TG: variants seen among roughly 807,000 people sequenced by gnomAD.
TG encodes the protein thyroglobulin, also known as thyroid hormones.
In TG, 270 loss-of-function variants were observed where a neutral mutation model predicts 324.7. That is an observed-to-expected ratio of 0.83 (90% CI 0.75 to 0.92). The LOEUF is 0.92. Ranked by LOEUF, TG falls within the 40% of genes least tolerant of loss-of-function variation. The probability of loss-of-function intolerance (pLI) is 0.00; values close to 1 mark genes in which losing one functional copy is unlikely to be tolerated. For missense variants in TG, 3,591 were observed against 3,456.4 expected, an observed-to-expected ratio of 1.04 and a Z score of -0.98; for synonymous variants, 1,401 against 1,327.0, an observed-to-expected ratio of 1.06 and a Z score of -1.21.
intron 20 of TG, among the ~76,000 whole-genome samples, chr8:132,916,348 G>C (rs1250212080): frequency 1.3e-5 from 2 of 152,212 alleles, no homozygotes; most frequent in Non-Finnish European, 2.9e-5. Context: ...ATCCAACTCT[G>C]TCTGCCTCCA....
At chr8:132,973,438 T>TAGGAGCTCAATTTGAAATTGATGA (rs146331042) in intron 34 of TG, among the ~76,000 whole-genome samples, 8,729 of 152,020 alleles carry the variant, frequency 0.057, 868 homozygotes, top group African/African-American at 0.2. Context: ...TGGCACGTTT[T>TAGGAGCTCAATTTGAAATTGATGA]AGGAGCTCAA....
At chr8:132,973,521 T>G (rs1829807139) in intron 34 of TG, among the ~76,000 whole-genome samples, 1 of 152,132 alleles carries the variant, frequency 6.6e-6, no homozygotes, top group Admixed American at 6.5e-5. Flanking sequence ...TAAGGAGACA[T>G]TAGGTTTGTT....
intron 24 of TG, among the ~76,000 whole-genome samples, chr8:132,935,533 C>T (rs930282242): frequency 6.6e-6 from 1 of 152,166 alleles, no homozygotes; most frequent in East Asian, 1.9e-4. Context: ...GAATCAATTG[C>T]TCCTTCCTCT....
chr8:132,906,652 C>A, intron 16 of TG, 36 bp from the exon 17 acceptor site: 1 of 1,611,212 alleles, frequency 6.2e-7, no homozygotes, highest in Non-Finnish European at 8.5e-7. Context: ...CGAGGCTGGG[C>A]AGGTGCCCAC....
At chr8:132,935,995 C>G in intron 25 of TG, 131 bp downstream of exon 25, 1 of 741,960 alleles carries the variant, frequency 1.3e-6, no homozygotes, top group Non-Finnish European at 2.4e-6. Flanking sequence ...CTCAGTCTGG[C>G]TTCTCTGAGC....
intron 43 of TG, among the ~76,000 whole-genome samples, chr8:133,112,173 C>T (rs62513971): frequency 6.6e-6 from 1 of 152,230 alleles, no homozygotes; most frequent in Non-Finnish European, 1.5e-5. Context: ...AGGGACTGTG[C>T]TTACCCAGGA....
intron 41 of TG, among the ~76,000 whole-genome samples, chr8:133,066,498 C>T (rs998664209): frequency 6.6e-6 from 1 of 152,158 alleles, no homozygotes; most frequent in Non-Finnish European, 1.5e-5. Flanking sequence ...CAAGGACTCT[C>T]TCTGGGTAGT....
intron 41 of TG, among the ~76,000 whole-genome samples, chr8:133,071,532 A>G (rs771584177): frequency 1.3e-5 from 2 of 152,068 alleles, no homozygotes; most frequent in Non-Finnish European, 1.5e-5. Flanking sequence ...TTGTGGATAG[A>G]GCGGTGCAAT....
At chr8:133,060,334 A>G (rs1275695097) in intron 41 of TG, 1 of 1,552,410 alleles carries the variant, frequency 6.4e-7, no homozygotes, top group African/African-American at 1.4e-5. Context: ...TTTATATGTG[A>G]AGATGAGATT....
chr8:132,968,599 C>A (rs1026643425), intron 31 of TG, among the ~76,000 whole-genome samples: 7 of 152,020 alleles, frequency 4.6e-5, no homozygotes, highest in African/African-American at 1.7e-4. Context: ...TGTCCAGTGA[C>A]CCTTATTTTT....
chr8:132,888,630 T>TG, intron 10 of TG, 62 bp downstream of exon 10: 1 of 1,446,420 alleles, frequency 6.9e-7, no homozygotes, highest in South Asian at 1.4e-5. Context: ...TGTATGTGTG[T>TG]TTAACATATA....
At chr8:132,870,090 A>G (rs548478311) in intron 3 of TG, among the ~76,000 whole-genome samples, 39 of 152,280 alleles carry the variant, frequency 2.6e-4, no homozygotes, top group African/African-American at 7.2e-4. Flanking sequence ...GTGAACAGAC[A>G]TCAACATCTC....
chr8:132,906,698 TC>T lies in TG; in HGVS notation c.3647del (p.Pro1216ArgfsTer47), dbSNP rs1563937557. 1 of 1,614,078 alleles carries T rather than the reference TC, an allele frequency of 6.2e-7. No homozygotes were observed. The highest frequency in any genetic ancestry group is 8.5e-7 in the Non-Finnish European group (1 of 1,180,022). On this transcript the variant is annotated frameshift_variant, in exon 17 of 48. Transcript: ENST00000220616. LOFTEE classifies it high-confidence loss of function. ...CTTTCCTTCTCCCAGGCCCGCGGTG[TC>T]CGCTGCCATTCAACGCGTCGGAGGT... ...GQPACESPRCPLPFNASEVVG... is the reference protein window; with the variant it reads ...GQPACESPRCXLPFNASEVVG...
rs547382949 is a variant in TG, at chr8:133,092,692, G to A, written c.7240-2352G>A. Among the ~76,000 whole-genome samples, 73 of 152,178 alleles carry A rather than the reference G, an allele frequency of 4.8e-4. 1 individual carries two copies. The South Asian group carries it at 0.012, about 26-fold the overall frequency. Reference sequence around the variant, plus strand: ...GAGTGACACAGCTGGGGTTCAAACCGAGCCCTTCTGCCCCAATCCCATGCT... The same window carrying A: ...GAGTGACACAGCTGGGGTTCAAACCAAGCCCTTCTGCCCCAATCCCATGCT... On this transcript the variant is annotated intron_variant, in intron 41 of 47. Coordinates refer to ENST00000220616, the MANE Select transcript of TG (RefSeq NM_003235.5).
At chr8:133,127,759 G>A (rs927365468) in intron 45 of TG, among the ~76,000 whole-genome samples, 1 of 152,058 alleles carries the variant, frequency 6.6e-6, no homozygotes, top group African/African-American at 2.4e-5. Context: ...TGAGGCCAGC[G>A]CCTTGGGGAC....
rs1418106880 is a variant in TG at position 132,873,142 on chromosome 8, GGA to G, written c.563_564del (p.Glu188ValfsTer18). 6.2e-7 allele frequency: 1 copy of G among 1,614,156 alleles called. No homozygotes were observed. Among genetic ancestry groups the G allele is most frequent in the Admixed American group, 1.7e-5 (1 of 60,020 alleles). On this transcript the variant is annotated frameshift_variant, in exon 5 of 48. Transcript: ENST00000220616. LOFTEE classifies it high-confidence loss of function. ...GTCACCACCCCAGTGTTCTGCGGAG[GGA>G]GAGTTTATGCCTGTCCAGTGCAAAT... ...DKSPPQCSAE[G>X]EFMPVQCKFV... is the part of the protein sequence containing the mutation.
intron 3 of TG, 46 bp from the exon 4 acceptor site, chr8:132,871,302 G>C (rs775289267): frequency 6.2e-7 from 1 of 1,604,470 alleles, no homozygotes; most frequent in African/African-American, 1.3e-5. Context: ...CTGCCCCCTG[G>C]AAATTTCCCT....
chr8:133,131,169 C>A (rs1008856780), intron 45 of TG, among the ~76,000 whole-genome samples: 1 of 152,264 alleles, frequency 6.6e-6, no homozygotes, highest in African/African-American at 2.4e-5. Context: ...CCAGTGCTCA[C>A]TCCATGGCCC....
intron 20 of TG, among the ~76,000 whole-genome samples, chr8:132,915,291 A>G (rs751830457): frequency 6.6e-6 from 1 of 152,200 alleles, no homozygotes; most frequent in East Asian, 1.9e-4. Flanking sequence ...TGTGCCTTCA[A>G]GGAAGTTCTA....
Sources: gnomAD v4.1 joint callset for allele counts (sites outside exome capture counted in the v4.1 genomes callset) on GRCh38, gnomAD v4.1.1 for gene constraint, MANE v1.5 for transcripts, NCBI Gene and HGNC (gene_info 2026-07-23, HGNC 2026-07-21) for gene names.